The following MCF2L2 variants were observed in gnomAD, a reference collection of about 807,000 sequenced individuals.
The protein encoded by MCF2L2 is MCF.2 cell line derived transforming sequence-like 2.
MCF2L2 carries 102 observed loss-of-function variants against 150.2 expected under a neutral mutation model. The observed-to-expected ratio is 0.68, with a 90% CI of 0.58 to 0.80. The LOEUF (loss-of-function observed/expected upper bound fraction) is 0.80, where lower values mean the gene tolerates loss of function less well. Among genes scored for constraint, MCF2L2 ranks in the 30% least tolerant of loss-of-function variants. The probability of loss-of-function intolerance (pLI) is 0.00; values close to 1 mark genes in which losing one functional copy is unlikely to be tolerated. For missense variants in MCF2L2, 1,256 were observed against 1,372.8 expected (o/e 0.91, Z 1.34); for synonymous variants, 465 against 491.3 (o/e 0.95, Z 0.71).
chr3:183,340,992 C>T (rs1317365574), intron 4 of MCF2L2, among the ~76,000 whole-genome samples: 1 of 152,112 alleles, frequency 6.6e-6, no homozygotes, highest in Non-Finnish European at 1.5e-5. Flanking sequence ...AATTGAATTG[C>T]CCCCAAAGCA....
chr3:183,355,372 C>G (rs957626613), intron 3 of MCF2L2, among the ~76,000 whole-genome samples: 6 of 151,594 alleles, frequency 4.0e-5, no homozygotes, highest in Non-Finnish European at 8.8e-5. Context: ...CCAACACAGT[C>G]TTACTCTTTC....
rs1320466998 is a variant in MCF2L2, at chr3:183,192,985, G to A, written c.3016+14C>T. On this transcript the variant is annotated intron_variant, in intron 27 of 29. Transcript: ENST00000328913. ...CTGCTTCTGTGCTCCACTCTCCCAT[G>A]GGACCCTCCCTACCTTTAATCCCTC... The A allele has an allele frequency of 6.2e-7, 1 of 1,605,398 alleles. No homozygotes were observed. Among genetic ancestry groups the A allele is most frequent in the African/African-American group, 1.3e-5 (1 of 74,700 alleles).
At chr3:183,334,281 T>A (rs996187304) in intron 5 of MCF2L2, among the ~76,000 whole-genome samples, 13 of 152,160 alleles carry the variant, frequency 8.5e-5, no homozygotes, top group Non-Finnish European at 1.6e-4. Context: ...AAAGAGAGAT[T>A]GGACTTTTTT....
intron 5 of MCF2L2, among the ~76,000 whole-genome samples, chr3:183,333,463 T>A (rs1730347477): frequency 6.6e-6 from 1 of 152,178 alleles, no homozygotes; most frequent in Admixed American, 6.5e-5. Context: ...ATCCTCCCCC[T>A]TCCCACTTAC....
At chr3:183,245,834 G>C (rs1724227786) in intron 15 of MCF2L2, among the ~76,000 whole-genome samples, 1 of 152,176 alleles carries the variant, frequency 6.6e-6, no homozygotes, top group Non-Finnish European at 1.5e-5. Flanking sequence ...TGGTTCCTAG[G>C]AGGATAACAG....
At chr3:183,288,428 C>T (rs898508940) in intron 14 of MCF2L2, among the ~76,000 whole-genome samples, 12 of 151,880 alleles carry the variant, frequency 7.9e-5, no homozygotes, top group East Asian at 1.9e-4. Flanking sequence ...CAGTTATTCA[C>T]GCACTTGTGT....
At chr3:183,271,005 C>T (rs1726724841) in intron 15 of MCF2L2, 22 of 1,362,640 alleles carry the variant, frequency 1.6e-5, no homozygotes, top group South Asian at 3.1e-5. Flanking sequence ...TTTAAATGTT[C>T]GTCTATACCC....
chr3:183,401,730 G>A (rs929472491), intron 1 of MCF2L2, among the ~76,000 whole-genome samples: 1 of 152,118 alleles, frequency 6.6e-6, no homozygotes, highest in Non-Finnish European at 1.5e-5. Flanking sequence ...TCAGGATAAC[G>A]CATTTGAGAT....
At chr3:183,201,890 T>C (rs550301778) in intron 25 of MCF2L2, among the ~76,000 whole-genome samples, 1 of 152,358 alleles carries the variant, frequency 6.6e-6, no homozygotes, top group Non-Finnish European at 1.5e-5. Flanking sequence ...AATCATGTGG[T>C]TTTTGTCTTC....
chr3:183,344,005 C>T (rs1248180684), intron 3 of MCF2L2, among the ~76,000 whole-genome samples: 1 of 151,926 alleles, frequency 6.6e-6, no homozygotes, highest in Non-Finnish European at 1.5e-5. Flanking sequence ...ACTATCTCTA[C>T]TAAAATTTAA....
chr3:183,402,267 C>T (rs1714795582), intron 1 of MCF2L2, among the ~76,000 whole-genome samples: 1 of 147,702 alleles, frequency 6.8e-6, no homozygotes, highest in Non-Finnish European at 1.5e-5. Context: ...CATGGTGAAA[C>T]CCCGTCTCTA....
chr3:183,366,341 T>C (rs1712519896), intron 3 of MCF2L2, among the ~76,000 whole-genome samples: 2 of 152,146 alleles, frequency 1.3e-5, no homozygotes, highest in Admixed American at 1.3e-4. Context: ...TTCAAGGTAC[T>C]GTTAAGATTT....
At chr3:183,262,347 A>T (rs748891945) in intron 15 of MCF2L2, among the ~76,000 whole-genome samples, 2 of 152,116 alleles carry the variant, frequency 1.3e-5, no homozygotes, top group Non-Finnish European at 2.9e-5. Context: ...AGTCAGCAGG[A>T]CAGGGATTAG....
rs1303224832 is a variant in MCF2L2, at chr3:183,216,047, T to C, written c.2418A>G (p.Gln806=). ...AATCCTCTATCACTGCCAAAGCTTG[T>C]TGTAGTTCAGTTGAGAATGCTGAAT... ...TKDSAFSTEL[Q]QALAVIEDLI... is the part of the protein sequence containing the mutation. The change falls in exon 22 of 30, where the codon CAA becomes CAG. Residue 806 remains glutamine (Q), a synonymous_variant. Transcript: ENST00000328913. 3.1e-6 allele frequency: 5 copies of C among 1,613,938 alleles called. No individual in the cohort carries two copies. Among genetic ancestry groups the C allele is most frequent in the Non-Finnish European group, 4.2e-6 (5 of 1,179,970 alleles).
chr3:183,301,729 A>T (rs1728857159), intron 10 of MCF2L2, among the ~76,000 whole-genome samples: 1 of 148,628 alleles, frequency 6.7e-6, no homozygotes, highest in Non-Finnish European at 1.5e-5. Flanking sequence ...TGGGAAGAGG[A>T]GGTTGCAGTG....
At chr3:183,334,535 A>T (rs7648440) in intron 5 of MCF2L2, among the ~76,000 whole-genome samples, 1 of 151,132 alleles carries the variant, frequency 6.6e-6, no homozygotes, top group Non-Finnish European at 1.5e-5. Flanking sequence ...CGCCTGTAAT[A>T]CCGGCACTTT....
At chr3:183,290,195 A>G (rs572379320) in intron 13 of MCF2L2, among the ~76,000 whole-genome samples, 15 of 151,956 alleles carry the variant, frequency 9.9e-5, no homozygotes, top group African/African-American at 3.6e-4. Flanking sequence ...TACACACACA[A>G]TCATACTATG....
At position 183,207,766 on chromosome 3, in the gene MCF2L2, T is replaced by C. The variant is rs1722550069; in HGVS notation, c.2554A>G (p.Ile852Val). 6.2e-7 allele frequency: 1 copy of C among 1,614,218 alleles called. No homozygotes were observed. Among genetic ancestry groups the C allele is most frequent in the South Asian group, 1.1e-5 (1 of 91,082 alleles). Residue 852 changes from isoleucine (I) to valine (V), a missense_variant, in exon 23 of 30, where the codon ATT becomes GTT. Coordinates refer to ENST00000328913, the MANE Select transcript of MCF2L2 (RefSeq NM_015078.4). ...LLHGPFSVWT[I>V]HKDRYKMKDL... ...TTCATTTTATAACGATCCTTGTGAA[T>C]TGTCCAGACGCTGAAAGGGCCGTGC...
At chr3:183,301,808 AAG>A (rs1461847084) in intron 10 of MCF2L2, among the ~76,000 whole-genome samples, 1 of 151,698 alleles carries the variant, frequency 6.6e-6, no homozygotes, top group Non-Finnish European at 1.5e-5. Flanking sequence ...AAAAAAAAAA[AAG>A]AGAAAAGAAA....
Sources: gnomAD v4.1 joint callset for allele counts (sites outside exome capture counted in the v4.1 genomes callset) on GRCh38, gnomAD v4.1.1 for gene constraint, MANE v1.5 for transcripts, NCBI Gene and HGNC (gene_info 2026-07-23, HGNC 2026-07-21) for gene names.